The following AKAP19 variants were observed in gnomAD, a reference collection of about 807,000 sequenced individuals.
AKAP19 encodes A-kinase anchoring protein 19.
chr2:189,897,418 A>G, the AKAP19 span, among the ~76,000 whole-genome samples: 114 of 152,246 alleles, frequency 7.5e-4, no homozygotes, highest in African/African-American at 2.6e-3. Context: ...TATTAAGCTA[A>G]TGAAAGCCCC....
chr2:190,115,303 T>TATATATA, the AKAP19 span, among the ~76,000 whole-genome samples: 5 of 5,414 alleles, frequency 9.2e-4, no homozygotes, highest in Non-Finnish European at 1.3e-3. Context: ...ATATATATAT[T>TATATATA]TTTTTTTTTT....
chr2:190,138,314 GA>G, the AKAP19 span, among the ~76,000 whole-genome samples: 1 of 152,208 alleles, frequency 6.6e-6, no homozygotes, highest in Non-Finnish European at 1.5e-5. Flanking sequence ...ACTTGATGAG[GA>G]GTAGATAGGC....
the AKAP19 span, among the ~76,000 whole-genome samples, chr2:189,891,197 T>A: frequency 6.6e-6 from 1 of 151,730 alleles, no homozygotes; most frequent in Non-Finnish European, 1.5e-5. Flanking sequence ...GATATGAAAT[T>A]CTAGGTTGAA....
the AKAP19 span, among the ~76,000 whole-genome samples, chr2:190,021,201 T>C: frequency 6.6e-6 from 1 of 152,168 alleles, no homozygotes; most frequent in African/African-American, 2.4e-5. Flanking sequence ...TTTCTTAGCA[T>C]TTTGTGATTT....
chr2:189,956,170 T>TTCTTTTC, the AKAP19 span, among the ~76,000 whole-genome samples: 1,491 of 5,032 alleles, frequency 0.3, 39 homozygotes, highest in African/African-American at 0.38. Flanking sequence ...TATATTTTCT[T>TTCTTTTC]TTTTTTCTTT....
chr2:190,080,756 C>A, the AKAP19 span, among the ~76,000 whole-genome samples: 1 of 152,164 alleles, frequency 6.6e-6, no homozygotes, highest in African/African-American at 2.4e-5. Flanking sequence ...GAGCCATATT[C>A]AGATCAACTA....
chr2:189,890,433 G>A, the AKAP19 span, among the ~76,000 whole-genome samples: 33 of 152,156 alleles, frequency 2.2e-4, no homozygotes, highest in Admixed American at 6.5e-4. Context: ...TGTCTATTAG[G>A]TCTGTTTGGT....
At chr2:190,052,587 G>A in the AKAP19 span, among the ~76,000 whole-genome samples, 11 of 152,066 alleles carry the variant, frequency 7.2e-5, no homozygotes, top group Admixed American at 1.3e-4. Flanking sequence ...CTGTGGGAGC[G>A]GACCTGAGAA....
the AKAP19 span, among the ~76,000 whole-genome samples, chr2:190,192,520 T>C: frequency 6.7e-6 from 1 of 149,012 alleles, no homozygotes; most frequent in African/African-American, 2.5e-5. Flanking sequence ...ATAAAACAAA[T>C]CCTGCTGGGA....
At chr2:190,097,092 G>A in the AKAP19 span, among the ~76,000 whole-genome samples, 2 of 152,076 alleles carry the variant, frequency 1.3e-5, no homozygotes, top group Non-Finnish European at 2.9e-5. Flanking sequence ...AAGTTCAGGT[G>A]TACATGTGCA....
chr2:190,123,252 G>A, the AKAP19 span, among the ~76,000 whole-genome samples: 1 of 151,946 alleles, frequency 6.6e-6, no homozygotes, highest in Non-Finnish European at 1.5e-5. Flanking sequence ...TTAAGAATTT[G>A]TTCAGTGTTT....
the AKAP19 span, among the ~76,000 whole-genome samples, chr2:190,097,859 C>CAAAAAAAAAAAAAAAAAAAAAAAAAAAAA: frequency 1.4e-4 from 9 of 64,484 alleles, no homozygotes; most frequent in Non-Finnish European, 2.3e-4. Flanking sequence ...TGGTTTCTAC[C>CAAAAAAAAAAAAAAAAAAAAAAAAAAAAA]AAAAAAAAAA....
chr2:190,070,748 C>T, the AKAP19 span, among the ~76,000 whole-genome samples: 1 of 151,632 alleles, frequency 6.6e-6, no homozygotes. Context: ...ATTTAAGTCC[C>T]CAGTAATACA....
chr2:189,947,280 A>G, the AKAP19 span, among the ~76,000 whole-genome samples: 1 of 152,214 alleles, frequency 6.6e-6, no homozygotes, highest in African/African-American at 2.4e-5. Context: ...TGCACATAAA[A>G]GAATGGAAAT....
At chr2:190,195,387 G>T in the AKAP19 span, among the ~76,000 whole-genome samples, 1 of 152,188 alleles carries the variant, frequency 6.6e-6, no homozygotes, top group Non-Finnish European at 1.5e-5. Context: ...CACTTTCTAA[G>T]AAACTGCCAG....
At chr2:189,886,884 T>A in the AKAP19 span, among the ~76,000 whole-genome samples, 1 of 152,174 alleles carries the variant, frequency 6.6e-6, no homozygotes, top group Non-Finnish European at 1.5e-5. Context: ...TAGAGGCCTG[T>A]TGCAGTAGTT....
the AKAP19 span, among the ~76,000 whole-genome samples, chr2:190,025,121 C>G: frequency 6.6e-6 from 1 of 152,166 alleles, no homozygotes; most frequent in African/African-American, 2.4e-5. Flanking sequence ...TCCATTCAGG[C>G]CAGCAACCTC....
the AKAP19 span, among the ~76,000 whole-genome samples, chr2:190,039,046 T>G: frequency 6.7e-6 from 1 of 149,420 alleles, no homozygotes; most frequent in African/African-American, 2.5e-5. Context: ...CTTCCTCTTC[T>G]TCCTCTTCTT....
the AKAP19 span, among the ~76,000 whole-genome samples, chr2:190,195,785 A>G: frequency 6.6e-6 from 1 of 152,150 alleles, no homozygotes; most frequent in South Asian, 2.1e-4. Flanking sequence ...TATTTCTTTA[A>G]CACATCATGC....
Sources: allele counts gnomAD v4.1 joint callset (sites outside exome capture counted in the v4.1 genomes callset), GRCh38; gene constraint gnomAD v4.1.1; transcripts MANE v1.5; gene names NCBI Gene and HGNC (gene_info 2026-07-23, HGNC 2026-07-21).